CCDC175: variants seen among roughly 807,000 people sequenced by gnomAD.
The protein encoded by CCDC175 is coiled-coil domain-containing protein 175.
In CCDC175, 100 loss-of-function variants were observed where a neutral mutation model predicts 114.6. That is an observed-to-expected ratio of 0.87 (90% confidence interval 0.74 to 1.03). The LOEUF is 1.03. Among genes scored for constraint, CCDC175 ranks in the 50% least tolerant of loss-of-function variants. The probability of loss-of-function intolerance (pLI) is 0.00; values close to 1 mark genes in which losing one functional copy is unlikely to be tolerated. For synonymous variants in CCDC175, 306 were observed against 308.7 expected, an observed-to-expected ratio of 0.99 and a Z score of 0.09; for missense variants, 880 against 917.8, an observed-to-expected ratio of 0.96 and a Z score of 0.53.
chr14:59,522,633 C>T (rs1400354701), intron 16 of CCDC175, among the ~76,000 whole-genome samples: 2 of 152,150 alleles, frequency 1.3e-5, no homozygotes, highest in African/African-American at 4.8e-5. Context: ...TTGTTTTTCT[C>T]CAGGATTCTG....
Position 59,551,626 on chromosome 14 carries a change from A to C in CCDC175, c.954-190T>G, listed in dbSNP as rs571539267. 7.9e-5 allele frequency among the ~76,000 whole-genome samples: 12 copies of C among 152,202 alleles called. 1 individual carries two copies. Among genetic ancestry groups the C allele is most frequent in the Non-Finnish European group, 1.3e-4 (9 of 68,040 alleles). ...GGGCGTGTTGGACAGTGGGTGCAGG[A>C]CAGTGGGTGCAGCCCACTGAGCGAG... On this transcript the variant is annotated intron_variant, in intron 7 of 19. Coordinates refer to ENST00000537690, the MANE Select transcript of CCDC175 (RefSeq NM_001164399.2).
At chr14:59,562,100 T>G (rs541652719) in intron 6 of CCDC175, among the ~76,000 whole-genome samples, 3 of 152,322 alleles carry the variant, frequency 2.0e-5, no homozygotes, top group African/African-American at 7.2e-5. Flanking sequence ...ACTGGAATCG[T>G]AGAACTACCA....
At chr14:59,505,336 T>C in intron 19 of CCDC175, 21 bp from the exon 20 acceptor site, 2 of 1,351,588 alleles carry the variant, frequency 1.5e-6, no homozygotes, top group Middle Eastern at 5.0e-4. Flanking sequence ...AAAAAATAAA[T>C]ATAAAAATTT....
At chr14:59,520,720 A>T (rs1279736128) in intron 17 of CCDC175, among the ~76,000 whole-genome samples, 1 of 152,190 alleles carries the variant, frequency 6.6e-6, no homozygotes, top group Non-Finnish European at 1.5e-5. Flanking sequence ...TGAATCTTAA[A>T]ACAATTTGCT....
intron 7 of CCDC175, among the ~76,000 whole-genome samples, chr14:59,557,543 C>T (rs1895982539): frequency 6.7e-6 from 1 of 149,714 alleles, no homozygotes; most frequent in Non-Finnish European, 1.5e-5. Flanking sequence ...TGCAGCACAC[C>T]AACATGGCAC....
At chr14:59,525,217 T>C in intron 16 of CCDC175, 65 bp downstream of exon 16, 3 of 1,175,768 alleles carry the variant, frequency 2.6e-6, no homozygotes, top group Non-Finnish European at 3.4e-6. Flanking sequence ...TTTTCTCTTA[T>C]AACTATTACA....
intron 7 of CCDC175, among the ~76,000 whole-genome samples, chr14:59,559,283 T>C (rs1462246963): frequency 6.6e-6 from 1 of 152,172 alleles, no homozygotes; most frequent in East Asian, 1.9e-4. Context: ...AAGGTAGGCA[T>C]TGGATTCACC....
In CCDC175 at chr14:59,510,667, C is replaced by T. The variant is rs183979580; in HGVS notation, c.2284G>A (p.Glu762Lys). The T allele has an allele frequency of 8.0e-4, 1,233 of 1,537,130 alleles. 2 individuals carry two copies. Among genetic ancestry groups the T allele is most frequent in the Non-Finnish European group, 1.0e-3 (1,195 of 1,146,846 alleles). Residue 762 changes from glutamate (E) to lysine (K), a missense_variant, in exon 19 of 20, where the codon GAA (glutamate) becomes AAA (lysine). Coordinates refer to ENST00000537690, the MANE Select transcript of CCDC175 (RefSeq NM_001164399.2). ...TTACTAAGAAGGTCCATTGGTGATT[C>T]CTGTTCCACAAGCAAACGCAGCCCT... ...LEGLRLLVEQ[E>K]SPMDLLKKKK...
At chr14:59,576,472 A>T in intron 1 of CCDC175, 147 bp downstream of exon 1, 1 of 742,452 alleles carries the variant, frequency 1.3e-6, no homozygotes. Context: ...CTCTCTCCCC[A>T]GCCTCCAAGG....
intron 13 of CCDC175, among the ~76,000 whole-genome samples, chr14:59,535,150 G>A (rs1329254513): frequency 1.3e-5 from 2 of 152,160 alleles, no homozygotes; most frequent in Non-Finnish European, 2.9e-5. Flanking sequence ...TTATCGAGGG[G>A]AAATTGGGTT....
chr14:59,564,903 C>G (rs1896433296), intron 5 of CCDC175, 144 bp downstream of exon 5: 3 of 633,788 alleles, frequency 4.7e-6, no homozygotes, highest in Admixed American at 5.9e-5. Context: ...CCTTGAGTCT[C>G]CCGCTCATCC....
chr14:59,527,139 T>C lies in CCDC175; in HGVS notation c.1798A>G (p.Ile600Val). 6.7e-7 allele frequency: 1 copy of C among 1,499,482 alleles called. No individual in the cohort carries two copies. The highest frequency in any genetic ancestry group is 8.8e-7 in the Non-Finnish European group (1 of 1,130,258). The allele number at this position is 1,499,482 out of a possible 1,614,324, so 92.9% of individuals were successfully genotyped here. A position where few individuals can be genotyped will look rare whatever the true frequency, so the allele number is the denominator to read the frequency against. Residue 600 changes from isoleucine (I) to valine (V), a missense_variant, in exon 15 of 20, where the codon ATT (isoleucine) becomes GTT (valine). By Grantham distance (29) the Ile-to-Val change is conservative. Transcript: ENST00000537690. The part of the protein sequence containing the change: ...RQEEDLLNNH[I>V]FLFTRDFSRY... ...GAAAAGTCCCTTGTAAACAGAAAAA[T>C]GTGATTGTTCAGTAAATCTTCCTCC...
intron 8 of CCDC175, among the ~76,000 whole-genome samples, chr14:59,546,272 A>T (rs1011334160): frequency 2.0e-5 from 3 of 152,222 alleles, no homozygotes; most frequent in Non-Finnish European, 4.4e-5. Flanking sequence ...TATTAGGTAT[A>T]CATGGACACA....
At chr14:59,519,410 G>A (rs955200002) in intron 17 of CCDC175, among the ~76,000 whole-genome samples, 1 of 152,108 alleles carries the variant, frequency 6.6e-6, no homozygotes, top group Non-Finnish European at 1.5e-5. Flanking sequence ...AGAGCCTGGG[G>A]TAGGCACAAA....
intron 7 of CCDC175, among the ~76,000 whole-genome samples, chr14:59,557,124 C>G (rs896736335): frequency 3.9e-5 from 6 of 152,016 alleles, no homozygotes; most frequent in African/African-American, 1.4e-4. Context: ...GGGTATATAC[C>G]CAAAGGATTA....
At chr14:59,508,584 A>AAAAT (rs1284526800) in intron 19 of CCDC175, among the ~76,000 whole-genome samples, 1 of 150,506 alleles carries the variant, frequency 6.6e-6, no homozygotes, top group East Asian at 1.9e-4. Context: ...AAAAAAAAAA[A>AAAAT]AGAGAGAAAA....
intron 7 of CCDC175, among the ~76,000 whole-genome samples, chr14:59,555,931 G>A (rs1566628190): frequency 6.6e-6 from 1 of 152,136 alleles, no homozygotes; most frequent in Non-Finnish European, 1.5e-5. Context: ...CCTCTTCAAA[G>A]AGAACTACAA....
chr14:59,536,214 A>T (rs1894387878), intron 13 of CCDC175, among the ~76,000 whole-genome samples: 1 of 151,942 alleles, frequency 6.6e-6, no homozygotes, highest in Admixed American at 6.5e-5. Flanking sequence ...CTTAGATAGG[A>T]GGGTCCTGCC....
chr14:59,565,672 A>G (rs1485408566), intron 4 of CCDC175, among the ~76,000 whole-genome samples: 2 of 151,952 alleles, frequency 1.3e-5, no homozygotes, highest in Non-Finnish European at 2.9e-5. Context: ...ATGCCACTGC[A>G]CTCTAGCCTG....
Sources: gnomAD v4.1 joint callset for allele counts (sites outside exome capture counted in the v4.1 genomes callset) on GRCh38, gnomAD v4.1.1 for gene constraint, MANE v1.5 for transcripts, NCBI Gene and HGNC (gene_info 2026-07-23, HGNC 2026-07-21) for gene names.